USP32: variants seen among roughly 807,000 people sequenced by gnomAD.
The protein encoded by USP32 is ubiquitin specific peptidase 32, also known as ubiquitin carboxyl-terminal hydrolase 32.
Under a neutral mutation model 204.8 loss-of-function variants are expected in USP32, and 59 were observed. That is an observed-to-expected ratio of 0.29 (90% CI 0.23 to 0.36). USP32 has a LOEUF of 0.36. Ranked by LOEUF, USP32 falls within the 10% of genes least tolerant of loss-of-function variation. USP32 has a pLI of 1.00. For synonymous variants in USP32, 517 were observed against 678.4 expected (o/e 0.76, Z 3.70); for missense variants, 1,160 against 1,946.4 (o/e 0.60, Z 7.60).
At chr17:60,353,881 A>G (rs1346434937) in intron 1 of USP32, among the ~76,000 whole-genome samples, 1 of 152,264 alleles carries the variant, frequency 6.6e-6, no homozygotes, top group African/African-American at 2.4e-5. Context: ...AGAGAGCAGC[A>G]CAACGCTCAT....
At chr17:60,248,382 T>C (rs1323663505) in intron 11 of USP32, among the ~76,000 whole-genome samples, 4 of 152,228 alleles carry the variant, frequency 2.6e-5, no homozygotes, top group Non-Finnish European at 5.9e-5. Context: ...TGGAGTTCAT[T>C]AAGCTTCTAA....
intron 5 of USP32, among the ~76,000 whole-genome samples, chr17:60,274,145 T>A (rs1013217525): frequency 1.3e-5 from 2 of 151,742 alleles, no homozygotes; most frequent in African/African-American, 4.8e-5. Flanking sequence ...CTACTAAAGA[T>A]GAAAAATACA....
intron 27 of USP32, among the ~76,000 whole-genome samples, chr17:60,196,170 G>C (rs1262795893): frequency 6.6e-6 from 1 of 151,804 alleles, no homozygotes; most frequent in Non-Finnish European, 1.5e-5. Flanking sequence ...GGGAGGCTGA[G>C]GCAGAAGAAT....
At chr17:60,264,823 G>GAGATCCTGAGT (rs2145762417) in intron 9 of USP32, among the ~76,000 whole-genome samples, 1 of 130,848 alleles carries the variant, frequency 7.6e-6, no homozygotes, top group South Asian at 2.3e-4. Context: ...TCCTGTCAGT[G>GAGATCCTGAGT]CACTCCAGGC....
chr17:60,271,465 G>C lies in USP32; in HGVS notation c.588C>G (p.Ile196Met). 1.2e-6 allele frequency: 2 copies of C among 1,613,924 alleles called. No individual in the cohort carries two copies. The highest frequency in any genetic ancestry group is 4.5e-5 in the East Asian group (2 of 44,870). ...AGVTHLEESD[I>M]IDLEKRYWLL... is the part of the protein sequence containing the mutation. ...ACCAATAGCGTTTCTCAAGATCAAT[G>C]ATGTCTGATTCCTCCACTAAGGGTC... Residue 196 changes from isoleucine to methionine, a missense_variant, in exon 6 of 34, where the codon ATC becomes ATG. This residue lies in a region of USP32 where 536 missense variants were observed against 680.9 expected (regional missense o/e 0.79). Transcript: ENST00000300896.
intron 3 of USP32, chr17:60,301,388 A>G (rs773986598): frequency 2.8e-6 from 1 of 356,084 alleles, no homozygotes; most frequent in Non-Finnish European, 5.0e-6. Context: ...ACTTTTAGCC[A>G]CTCTAGTAGG....
chr17:60,411,855 C>T (rs2090021590), intron 1 of USP32, among the ~76,000 whole-genome samples: 1 of 152,092 alleles, frequency 6.6e-6, no homozygotes, highest in Non-Finnish European at 1.5e-5. Context: ...CTATTGCATG[C>T]ATATACCACA....
At chr17:60,394,034 G>A (rs1403489220), upstream of USP32, among the ~76,000 whole-genome samples, 1 of 152,200 alleles carries the variant, frequency 6.6e-6, no homozygotes, top group African/African-American at 2.4e-5. Context: ...GATCAGCAGC[G>A]TGGCATTAGT....
At chr17:60,375,352 A>C (rs563805961) in intron 1 of USP32, among the ~76,000 whole-genome samples, 19 of 152,306 alleles carry the variant, frequency 1.2e-4, no homozygotes, top group African/African-American at 3.8e-4. Context: ...TCATTTTTAC[A>C]GTCCCATACT....
chr17:60,226,479 C>T (rs2085392332), intron 12 of USP32, among the ~76,000 whole-genome samples: 1 of 152,094 alleles, frequency 6.6e-6, no homozygotes, highest in Non-Finnish European at 1.5e-5. Context: ...GTAATTTACA[C>T]TCTATTCTGT....
chr17:60,367,819 A>G (rs979947510), intron 1 of USP32, among the ~76,000 whole-genome samples: 1 of 152,110 alleles, frequency 6.6e-6, no homozygotes, highest in Non-Finnish European at 1.5e-5. Flanking sequence ...AACAAAACAA[A>G]ACCAAATATG....
chr17:60,222,319 T>C lies in USP32; in HGVS notation c.1749+90A>G. The C allele has an allele frequency of 7.0e-6, 10 of 1,425,090 alleles. No homozygotes were observed. In the South Asian group the frequency reaches 7.9e-5, roughly 11 times the overall value. 88.3% of individuals were successfully genotyped at this position (1,425,090 alleles called of 1,614,324 possible). ...TCTTCTACCACAAGGTAAGAGCTAC[T>C]TTGTGGTTAGTGAGAGTCACATAGA... is the stretch of plus-strand genomic sequence containing the variant. On this transcript the variant is annotated intron_variant, in intron 15 of 33. Transcript: ENST00000300896.
chr17:60,294,383 A>AGTGTGTATGTGTGT (rs377219408), intron 4 of USP32, among the ~76,000 whole-genome samples: 7 of 146,484 alleles, frequency 4.8e-5, no homozygotes, highest in African/African-American at 1.8e-4. Flanking sequence ...TTCCTGCAGG[A>AGTGTGTATGTGTGT]GTGTGTGTGT....
chr17:60,272,518 A>G (rs963479123), intron 5 of USP32, among the ~76,000 whole-genome samples: 2 of 152,246 alleles, frequency 1.3e-5, no homozygotes, highest in African/African-American at 2.4e-5. Flanking sequence ...CTGTTAAAAT[A>G]TAAATCTAGA....
At chr17:60,414,879 C>T (rs2090048378) in intron 1 of USP32, among the ~76,000 whole-genome samples, 1 of 144,742 alleles carries the variant, frequency 6.9e-6, no homozygotes, top group Admixed American at 7.0e-5. Context: ...TAGATGGAGT[C>T]TTGCTCTGTT....
At chr17:60,374,130 G>A (rs952391524) in intron 1 of USP32, among the ~76,000 whole-genome samples, 2 of 151,880 alleles carry the variant, frequency 1.3e-5, no homozygotes, top group African/African-American at 4.8e-5. Flanking sequence ...GTTGCAGTGT[G>A]CAGAGATCAC....
At chr17:60,384,473 G>C (rs1191068245) in intron 1 of USP32, among the ~76,000 whole-genome samples, 1 of 152,176 alleles carries the variant, frequency 6.6e-6, no homozygotes, top group Non-Finnish European at 1.5e-5. Flanking sequence ...CAGTTTTCCT[G>C]AATCTTATTC....
intron 1 of USP32, among the ~76,000 whole-genome samples, chr17:60,371,075 A>T (rs1345670889): frequency 6.6e-6 from 1 of 151,462 alleles, no homozygotes; most frequent in Non-Finnish European, 1.5e-5. Flanking sequence ...CAATAAAAAT[A>T]AAAATAATAA....
intron 2 of USP32, among the ~76,000 whole-genome samples, chr17:60,312,408 TTTG>T (rs556196900): frequency 8.6e-5 from 13 of 151,980 alleles, no homozygotes; most frequent in African/African-American, 2.9e-4. Flanking sequence ...TACTTTTCCA[TTTG>T]TTGTTGTTGT....
Sources: gnomAD v4.1 joint callset for allele counts (sites outside exome capture counted in the v4.1 genomes callset) on GRCh38, gnomAD v4.1.1 for gene constraint, gnomAD v4.1.1 regional missense constraint, MANE v1.5 for transcripts, NCBI Gene and HGNC (gene_info 2026-07-23, HGNC 2026-07-21) for gene names.